The following RPS6KC1 variants were observed in gnomAD, a reference collection of about 807,000 sequenced individuals.
RPS6KC1 encodes the protein inactive ribosomal protein S6 kinase delta-1.
In RPS6KC1, 54 loss-of-function variants were observed where a neutral mutation model predicts 103.8. That is an observed-to-expected ratio of 0.52 (90% CI 0.42 to 0.65). The LOEUF (loss-of-function observed/expected upper bound fraction) is 0.65, where lower values mean the gene tolerates loss of function less well. Among genes scored for constraint, RPS6KC1 ranks in the 30% least tolerant of loss-of-function variants. RPS6KC1 has a pLI of 0.00. For synonymous variants in RPS6KC1, 439 were observed against 438.7 expected (o/e 1.00, Z -0.01); for missense variants, 1,151 against 1,253.8 (o/e 0.92, Z 1.24).
At chr1:213,285,246 C>T in the RPS6KC1 span, among the ~76,000 whole-genome samples, 1 of 152,082 alleles carries the variant, frequency 6.6e-6, no homozygotes, top group Non-Finnish European at 1.5e-5. Flanking sequence ...TCTCTGTGAC[C>T]CTTAAAAGGA....
chr1:213,686,244 A>T, the RPS6KC1 span, among the ~76,000 whole-genome samples: 1 of 152,204 alleles, frequency 6.6e-6, no homozygotes, highest in Non-Finnish European at 1.5e-5. Context: ...CTTCTTTGGC[A>T]GTCACAAAAG....
chr1:213,546,905 G>C, the RPS6KC1 span, among the ~76,000 whole-genome samples: 1 of 152,082 alleles, frequency 6.6e-6, no homozygotes, highest in Non-Finnish European at 1.5e-5. Context: ...CTTTGCCATG[G>C]CCTTGGCATG....
the RPS6KC1 span, among the ~76,000 whole-genome samples, chr1:213,432,300 T>C: frequency 2.0e-5 from 3 of 152,348 alleles, no homozygotes; most frequent in Admixed American, 1.3e-4. Flanking sequence ...TTTAATGAAG[T>C]ACAATTTATA....
intron 1 of RPS6KC1, among the ~76,000 whole-genome samples, chr1:213,055,030 T>C (rs1365137600): frequency 5.3e-5 from 8 of 152,252 alleles, no homozygotes; most frequent in Non-Finnish European, 1.5e-5. Context: ...ATAAAAGGTA[T>C]GTTTTTATTC....
the RPS6KC1 span, among the ~76,000 whole-genome samples, chr1:213,340,258 T>C: frequency 1.3e-5 from 2 of 152,322 alleles, no homozygotes; most frequent in East Asian, 3.9e-4. Flanking sequence ...AATGAGAAAC[T>C]CATAATGAGG....
chr1:213,375,863 C>G, the RPS6KC1 span, among the ~76,000 whole-genome samples: 23 of 152,356 alleles, frequency 1.5e-4, no homozygotes, highest in Admixed American at 2.0e-4. Context: ...GCTGGGGGGT[C>G]TCTGGCCCAG....
chr1:213,743,590 C>T, the RPS6KC1 span, among the ~76,000 whole-genome samples: 3 of 152,204 alleles, frequency 2.0e-5, no homozygotes, highest in African/African-American at 7.2e-5. Flanking sequence ...CCATTTGTTT[C>T]CTTGAAGCCT....
At chr1:213,485,961 G>T in the RPS6KC1 span, among the ~76,000 whole-genome samples, 2 of 152,174 alleles carry the variant, frequency 1.3e-5, no homozygotes, top group Admixed American at 1.3e-4. Flanking sequence ...TCACCCTTCT[G>T]CTTCCTCTGC....
chr1:213,292,035 G>A, the RPS6KC1 span, among the ~76,000 whole-genome samples: 823 of 151,894 alleles, frequency 5.4e-3, 9 homozygotes, highest in African/African-American at 0.016. Context: ...TTTCTCATAG[G>A]TGGGAATTGA....
the RPS6KC1 span, among the ~76,000 whole-genome samples, chr1:213,333,690 G>T: frequency 6.6e-6 from 1 of 151,924 alleles, no homozygotes; most frequent in Non-Finnish European, 1.5e-5. Context: ...ATGGAATCTC[G>T]CTGTGTCACC....
the RPS6KC1 span, among the ~76,000 whole-genome samples, chr1:213,745,626 A>T: frequency 5.3e-5 from 8 of 152,052 alleles, no homozygotes; most frequent in African/African-American, 1.9e-4. Context: ...CCAGGGAAGG[A>T]GGATTGATTG....
chr1:213,122,993 G>C (rs887790599), intron 5 of RPS6KC1, among the ~76,000 whole-genome samples: 1 of 152,120 alleles, frequency 6.6e-6, no homozygotes, highest in Non-Finnish European at 1.5e-5. Context: ...GAGTTTAGGG[G>C]TTGGGTGGGA....
chr1:213,252,849 A>G (rs980275288), intron 12 of RPS6KC1, among the ~76,000 whole-genome samples: 3 of 152,146 alleles, frequency 2.0e-5, no homozygotes, highest in Non-Finnish European at 4.4e-5. Flanking sequence ...TGCTATTTGG[A>G]TAAAGCATTA....
chr1:213,848,953 G>A, the RPS6KC1 span, among the ~76,000 whole-genome samples: 1 of 152,012 alleles, frequency 6.6e-6, no homozygotes, highest in South Asian at 2.1e-4. Context: ...AAGAGAAGGA[G>A]GAGACAAAAT....
At chr1:213,513,292 G>A in the RPS6KC1 span, among the ~76,000 whole-genome samples, 2 of 152,188 alleles carry the variant, frequency 1.3e-5, no homozygotes, top group Non-Finnish European at 2.9e-5. Context: ...CTAACACCTT[G>A]TTGTTAGCCC....
the RPS6KC1 span, among the ~76,000 whole-genome samples, chr1:213,410,754 G>A: frequency 6.6e-6 from 1 of 152,256 alleles, no homozygotes; most frequent in Admixed American, 6.5e-5. Context: ...AGAAAGGGAA[G>A]GATGTGAAGC....
chr1:213,164,596 G>T (rs745392459), intron 6 of RPS6KC1, among the ~76,000 whole-genome samples: 15 of 152,080 alleles, frequency 9.9e-5, no homozygotes, highest in Non-Finnish European at 1.6e-4. Context: ...TGTTCCCCAG[G>T]TTGGAGTGCA....
the RPS6KC1 span, among the ~76,000 whole-genome samples, chr1:213,430,699 G>A: frequency 6.6e-6 from 1 of 152,058 alleles, no homozygotes; most frequent in African/African-American, 2.4e-5. Context: ...CATCCCCCAA[G>A]CCCTGTTGTA....
the RPS6KC1 span, among the ~76,000 whole-genome samples, chr1:213,678,035 C>T: frequency 0.29 from 43,613 of 151,642 alleles, 6,813 homozygotes; most frequent in East Asian, 0.53. Flanking sequence ...TTTGGCCAGA[C>T]CAGAGATCCC....
Sources: gnomAD v4.1 joint callset for allele counts (sites outside exome capture counted in the v4.1 genomes callset) on GRCh38, gnomAD v4.1.1 for gene constraint, MANE v1.5 for transcripts, NCBI Gene and HGNC (gene_info 2026-07-23, HGNC 2026-07-21) for gene names.